The following ACOT7 variants were observed in gnomAD, a reference collection of about 807,000 sequenced individuals.
The protein encoded by ACOT7 is acyl-CoA thioesterase 7.
ACOT7 carries 12 observed loss-of-function variants against 40.2 expected under a neutral mutation model. The observed-to-expected ratio is 0.30, with a 90% CI of 0.19 to 0.48. ACOT7 has a LOEUF of 0.48. ACOT7 is among the 20% of genes least tolerant of loss of function. The pLI is 0.99. For synonymous variants in ACOT7, 228 were observed against 219.5 expected, an observed-to-expected ratio of 1.04 and a Z score of -0.34; for missense variants, 395 against 530.8, an observed-to-expected ratio of 0.74 and a Z score of 2.51.
chr1:6,367,975 C>T (rs182506912), intron 1 of ACOT7, among the ~76,000 whole-genome samples: 66 of 152,290 alleles, frequency 4.3e-4, no homozygotes, highest in African/African-American at 1.2e-3. Flanking sequence ...GAGGGTAGCT[C>T]TTCTTTGCAG....
chr1:6,305,139 A>C, intron 6 of ACOT7, among the ~76,000 whole-genome samples: 1 of 137,310 alleles, frequency 7.3e-6, no homozygotes, highest in Non-Finnish European at 1.6e-5. Flanking sequence ...TCTTCCCAGT[A>C]GGGGCGGCCG....
intron 1 of ACOT7, among the ~76,000 whole-genome samples, chr1:6,363,570 A>G (rs1641936609): frequency 6.6e-6 from 1 of 152,124 alleles, no homozygotes; most frequent in Non-Finnish European, 1.5e-5. Flanking sequence ...AAGTACTAAA[A>G]GTCCCTGATA....
intron 1 of ACOT7, among the ~76,000 whole-genome samples, chr1:6,380,422 A>AC (rs945843419): frequency 1.9e-4 from 28 of 150,886 alleles, no homozygotes; most frequent in South Asian, 4.2e-4. Flanking sequence ...ACATGGTGAA[A>AC]CCCCCCGTCT....
At chr1:6,313,014 G>C (rs1039899454) in intron 6 of ACOT7, among the ~76,000 whole-genome samples, 1 of 152,184 alleles carries the variant, frequency 6.6e-6, no homozygotes, top group Non-Finnish European at 1.5e-5. Flanking sequence ...GCATCGCAAG[G>C]AGCAAGGGGG....
At chr1:6,312,816 C>T (rs1209812100) in intron 6 of ACOT7, among the ~76,000 whole-genome samples, 2 of 152,110 alleles carry the variant, frequency 1.3e-5, no homozygotes, top group African/African-American at 4.8e-5. Flanking sequence ...TCTCATGTAC[C>T]CCATAAATAT....
chr1:6,371,416 T>G (rs1642131555), intron 1 of ACOT7, among the ~76,000 whole-genome samples: 1 of 151,474 alleles, frequency 6.6e-6, no homozygotes. Flanking sequence ...TGGAGTGCTG[T>G]GGCAGGTGCA....
At chr1:6,375,389 C>T (rs1175683748) in intron 1 of ACOT7, among the ~76,000 whole-genome samples, 1 of 151,936 alleles carries the variant, frequency 6.6e-6, no homozygotes, top group African/African-American at 2.4e-5. Flanking sequence ...AATAAGAGGC[C>T]AGGCGCGGTG....
chr1:6,288,608 TGGTGAGG>T lies in ACOT7; in HGVS notation c.829+6249_829+6255del, dbSNP rs1419942419. On this transcript the variant is annotated intron_variant, in intron 7 of 8. Coordinates refer to ENST00000361521, the MANE Select transcript of ACOT7 (RefSeq NM_007274.4). The surrounding 1 kb of genome is among the most constrained non-coding windows in gnomAD (Gnocchi z 4.3). ...CAATGGAGGTGGCACTGGGTTGGGC[TGGTGAGG>T]GGTGAGGGTAACAGAGGTGGCCCTC... Among the ~76,000 whole-genome samples the T allele has an allele frequency of 6.6e-6, 1 of 152,070 alleles. No homozygotes were observed. Among genetic ancestry groups the T allele is most frequent in the Non-Finnish European group, 1.5e-5 (1 of 67,984 alleles).
At chr1:6,323,263 C>A (rs1016630359) in intron 5 of ACOT7, among the ~76,000 whole-genome samples, 2 of 152,208 alleles carry the variant, frequency 1.3e-5, no homozygotes, top group Non-Finnish European at 2.9e-5. Flanking sequence ...TAAGGCCAGA[C>A]CTAGAAAGGA....
In ACOT7 at chr1:6,345,522, G is replaced by C. The variant is rs190120091; in HGVS notation, c.261+4227C>G. On this transcript the variant is annotated intron_variant, in intron 2 of 8. Coordinates refer to ENST00000361521, the MANE Select transcript of ACOT7 (RefSeq NM_007274.4). ...TGCTGCAGAGATTCGAGGGGATAAC[G>C]AATGGGAAGAACTCGGTGCTTAGGA... Among the ~76,000 whole-genome samples, 8 of 152,240 alleles carry C rather than the reference G, an allele frequency of 5.3e-5. No individual in the cohort carries two copies. In the East Asian group the frequency reaches 1.5e-3, roughly 29 times the overall value.
intron 8 of ACOT7, among the ~76,000 whole-genome samples, chr1:6,270,912 T>TCACA (rs958122212): frequency 3.9e-5 from 6 of 152,256 alleles, no homozygotes; most frequent in African/African-American, 1.4e-4. Flanking sequence ...CTTTAGGATG[T>TCACA]CACACCCACA....
At chr1:6,287,692 A>C (rs953877270) in intron 7 of ACOT7, among the ~76,000 whole-genome samples, 1 of 152,212 alleles carries the variant, frequency 6.6e-6, no homozygotes, top group Non-Finnish European at 1.5e-5. Flanking sequence ...GGGCGGCAGC[A>C]GCCAGATTTC....
At chr1:6,340,290 A>G (rs1226758603) in intron 2 of ACOT7, among the ~76,000 whole-genome samples, 1 of 152,130 alleles carries the variant, frequency 6.6e-6, no homozygotes, top group African/African-American at 2.4e-5. Flanking sequence ...CCTAAACACA[A>G]AAGCACAGGG....
At chr1:6,334,376 C>T (rs2148439191) in intron 3 of ACOT7, among the ~76,000 whole-genome samples, 1 of 152,370 alleles carries the variant, frequency 6.6e-6, no homozygotes, top group East Asian at 1.9e-4. Context: ...AGACACTTGG[C>T]CCATACAGAC....
intron 5 of ACOT7, among the ~76,000 whole-genome samples, chr1:6,319,632 G>C (rs1319448401): frequency 1.3e-5 from 2 of 152,230 alleles, no homozygotes; most frequent in African/African-American, 4.8e-5. Flanking sequence ...TGGCCACATG[G>C]CTGTCCATTT....
At chr1:6,349,041 C>T (rs946781885) in intron 2 of ACOT7, among the ~76,000 whole-genome samples, 4 of 152,200 alleles carry the variant, frequency 2.6e-5, no homozygotes, top group Admixed American at 2.0e-4. Context: ...CCAAGGCAGA[C>T]GCCCTGTCCT....
intron 4 of ACOT7, among the ~76,000 whole-genome samples, chr1:6,331,899 C>T (rs1023839335): frequency 6.6e-6 from 1 of 152,170 alleles, no homozygotes; most frequent in South Asian, 2.1e-4. Context: ...GAAGAGACGG[C>T]AGGAAGCAGG....
At chr1:6,271,414 AG>A (rs1185226134) in intron 8 of ACOT7, among the ~76,000 whole-genome samples, 2 of 152,172 alleles carry the variant, frequency 1.3e-5, no homozygotes, top group African/African-American at 4.8e-5. Flanking sequence ...AGGAGACAAG[AG>A]GGGTCTTGGG....
intron 6 of ACOT7, among the ~76,000 whole-genome samples, chr1:6,305,899 ATT>A (rs1401415116): frequency 6.6e-6 from 1 of 152,160 alleles, no homozygotes; most frequent in African/African-American, 2.4e-5. Flanking sequence ...CCTGGGCACC[ATT>A]GAGCACTGAG....
Sources: allele counts gnomAD v4.1 joint callset (sites outside exome capture counted in the v4.1 genomes callset), GRCh38; gene constraint gnomAD v4.1.1; non-coding constraint Gnocchi (gnomAD v3.1); transcripts MANE v1.5; gene names NCBI Gene and HGNC (gene_info 2026-07-23, HGNC 2026-07-21).